Variants in SETMAR observed in about 807,000 individuals in gnomAD.
The protein encoded by SETMAR is SET and mariner transposase domain methyltransferase.
In SETMAR, 44 loss-of-function variants were observed where a neutral mutation model predicts 58.4. The observed-to-expected ratio is 0.75, with a 90% CI of 0.59 to 0.97. The LOEUF is 0.97. Among genes scored for constraint, SETMAR ranks in the 50% least tolerant of loss-of-function variants. SETMAR has a pLI of 0.00. For synonymous variants in SETMAR, 332 were observed against 307.4 expected, an observed-to-expected ratio of 1.08 and a Z score of -0.84; for missense variants, 903 against 840.2, an observed-to-expected ratio of 1.07 and a Z score of -0.92.
At position 4,313,144 on chromosome 3, in the gene SETMAR, A is replaced by G; in HGVS notation, c.403A>G (p.Lys135Glu). The G allele has an allele frequency of 6.2e-7, 1 of 1,614,054 alleles. No individual in the cohort carries two copies. Among genetic ancestry groups the G allele is most frequent in the Non-Finnish European group, 8.5e-7 (1 of 1,179,976 alleles). ...CCACTGCAGAAACAGAGTGGTCCAG[A>G]AAGGTCTACAGTTCCACTTCCAAGT... Reference protein sequence around the residue: ...SDHCRNRVVQKGLQFHFQVFK... With the variant: ...SDHCRNRVVQEGLQFHFQVFK... The change falls in exon 2 of 3, where the codon AAA becomes GAA. Residue 135 changes from lysine to glutamate, a missense_variant. Coordinates refer to ENST00000358065, the MANE Select transcript of SETMAR (RefSeq NM_006515.4).
Position 4,303,674 on chromosome 3 carries a change from G to T in SETMAR, c.156+148G>T, listed in dbSNP as rs1377048181. On this transcript the variant is annotated intron_variant, in intron 1 of 2. Coordinates refer to ENST00000358065, the MANE Select transcript of SETMAR (RefSeq NM_006515.4). ...TTGGTGCGCGGGAATAGGTGTGCAT[G>T]CCCCGGCCTGGGCCTTTTTCTGTTG... 6.7e-6 allele frequency: 10 copies of T among 1,489,266 alleles called. No individual in the cohort carries two copies. In the African/African-American group the frequency reaches 8.5e-5, roughly 13 times the overall value. The allele number at this position is 1,489,266 out of a possible 1,614,324, so 92.3% of individuals were successfully genotyped here.
chr3:4,316,172 T>C (rs188121661), intron 2 of SETMAR, 40 bp from the exon 3 acceptor site: 2 of 637,488 alleles, frequency 3.1e-6, no homozygotes, highest in African/African-American at 3.6e-5. Context: ...TTATGTTTTT[T>C]TGCTAATGAC....
chr3:4,303,824 A>C (rs1698060529), intron 1 of SETMAR: 2 of 1,366,692 alleles, frequency 1.5e-6, no homozygotes, highest in Non-Finnish European at 1.9e-6. Context: ...AGGAGGCATC[A>C]CGGGGGGAGT....
chr3:4,315,041 G>A (rs181689345), intron 2 of SETMAR, among the ~76,000 whole-genome samples: 178 of 152,188 alleles, frequency 1.2e-3, no homozygotes, highest in South Asian at 2.3e-3. Context: ...GTATCTTAGG[G>A]TTTATAATGT....
Position 4,316,344 on chromosome 3 carries a change from A to AC in SETMAR, c.1154dup (p.Val386SerfsTer13). The AC allele has an allele frequency of 6.9e-7, 1 of 1,454,368 alleles. No individual in the cohort carries two copies. Among genetic ancestry groups the AC allele is most frequent in the Non-Finnish European group, 9.4e-7 (1 of 1,065,914 alleles). 90.1% of individuals were successfully genotyped at this position (1,454,368 alleles called of 1,614,324 possible). The stretch of plus-strand genomic sequence containing the variant: ...TGGCCCAGGAACTGCTAACGAACGT[A>AC]CAGTGCAGTGGTGGTTCAAGAAGTT... On this transcript the variant is annotated frameshift_variant, in exon 3 of 3. Transcript: ENST00000358065. LOFTEE classifies it high-confidence loss of function.
chr3:4,306,246 C>T (rs899115306), intron 1 of SETMAR, among the ~76,000 whole-genome samples: 23 of 152,028 alleles, frequency 1.5e-4, no homozygotes, highest in Admixed American at 1.4e-3. Context: ...ATGTGCCCGA[C>T]GTATTTTTTT....
In SETMAR at chr3:4,303,413, G is replaced by A. The variant is rs756322943; in HGVS notation, c.43G>A (p.Ala15Thr). The A allele has an allele frequency of 8.3e-6, 13 of 1,557,378 alleles. No homozygotes were observed. The Admixed American group carries it at 9.8e-5, about 12-fold the overall frequency. ...AAAGACGACACGGCCTTGTGGGATG[G>A]CGGAGTTTAAGGAGAAGCCTGAGGC... ...AAKTTRPCGM[A>T]EFKEKPEAPT... Residue 15 changes from alanine to threonine, a missense_variant, in exon 1 of 3, where the codon GCG becomes ACG. Coordinates refer to ENST00000358065, the MANE Select transcript of SETMAR (RefSeq NM_006515.4).
Position 4,303,534 on chromosome 3 carries a change from C to T in SETMAR, c.156+8C>T. 2.2e-6 allele frequency: 3 copies of T among 1,370,692 alleles called. No homozygotes were observed. The highest frequency in any genetic ancestry group is 3.1e-5 in the East Asian group (1 of 32,214). 84.9% of individuals were successfully genotyped at this position (1,370,692 alleles called of 1,614,324 possible). On this transcript the variant is annotated splice_region_variant and intron_variant, in intron 1 of 2. Transcript: ENST00000358065. Reference sequence around the variant, plus strand: ...GCGCCGGCGCCCTTCCAGGTAGGGGCGGGGCCAGGCGGCGCGGGAGGCGGG... The same window carrying T: ...GCGCCGGCGCCCTTCCAGGTAGGGGTGGGGCCAGGCGGCGCGGGAGGCGGG...
intron 1 of SETMAR, among the ~76,000 whole-genome samples, chr3:4,304,798 C>T (rs1448964869): frequency 6.6e-6 from 1 of 151,966 alleles, no homozygotes; most frequent in East Asian, 1.9e-4. Flanking sequence ...TATTCTGAGC[C>T]AAATATGAGT....
rs762422975 is a variant in SETMAR, at chr3:4,313,125, C to G, written c.384C>G (p.Cys128Trp). The change falls in exon 2 of 3, where the codon TGC becomes TGG. Residue 128 changes from cysteine (C) to tryptophan (W), a missense_variant. Physicochemically the swap from Cys to Trp is radical, Grantham distance 215. Coordinates refer to ENST00000358065, the MANE Select transcript of SETMAR (RefSeq NM_006515.4). The part of the protein sequence containing the change: ...CNVLCRCSDH[C>W]RNRVVQKGLQ... ...TCCTGTGCCGATGCAGTGACCACTG[C>G]AGAAACAGAGTGGTCCAGAAAGGTC... The G allele has an allele frequency of 1.2e-6, 2 of 1,613,856 alleles. No homozygotes were observed. The highest frequency in any genetic ancestry group is 1.3e-5 in the African/African-American group (1 of 74,914).
chr3:4,304,707 A>C (rs1189311488), intron 1 of SETMAR, among the ~76,000 whole-genome samples: 1 of 152,164 alleles, frequency 6.6e-6, no homozygotes, highest in African/African-American at 2.4e-5. Flanking sequence ...TTTTGTGAGG[A>C]TCAGATAAGA....
intron 1 of SETMAR, among the ~76,000 whole-genome samples, chr3:4,307,064 C>T (rs1487719746): frequency 1.3e-5 from 2 of 152,156 alleles, no homozygotes; most frequent in Admixed American, 6.5e-5. Flanking sequence ...GAAAAACAAA[C>T]TTATGAGGCT....
chr3:4,313,064 G>A lies in SETMAR; in HGVS notation c.323G>A (p.Gly108Glu), dbSNP rs1271287238. The change falls in exon 2 of 3, where the codon GGA (glycine) becomes GAA (glutamate). Residue 108 changes from glycine (G) to glutamate (E), a missense_variant. Coordinates refer to ENST00000358065, the MANE Select transcript of SETMAR (RefSeq NM_006515.4). Reference protein sequence around the residue: ...DNSCLRDIGSGGKYAEPVFEC... With the variant: ...DNSCLRDIGSEGKYAEPVFEC... ...TCATGCCTTAGAGATATAGGATCTGGAGGAAAGTATGCAGAGCCTGTTTTT... is the reference window on the plus strand; with the variant it reads ...TCATGCCTTAGAGATATAGGATCTGAAGGAAAGTATGCAGAGCCTGTTTTT... 2 of 1,613,862 alleles carry A rather than the reference G, an allele frequency of 1.2e-6. No individual in the cohort carries two copies. The highest frequency in any genetic ancestry group is 2.2e-5 in the East Asian group (1 of 44,884).
rs552380964 is a variant in SETMAR, at chr3:4,308,046, C to A, written c.156+4520C>A. ...CGTCTTAAAAAAAAAAAATCCCATT[C>A]TCCGTGTCCTTTATACTTTTCTGAC... On this transcript the variant is annotated intron_variant, in intron 1 of 2. Transcript: ENST00000358065. Among the ~76,000 whole-genome samples, 5 of 152,192 alleles carry A rather than the reference C, an allele frequency of 3.3e-5. No homozygotes were observed. The East Asian group carries it at 9.7e-4, about 29-fold the overall frequency.
At chr3:4,305,492 A>G (rs189470036) in intron 1 of SETMAR, among the ~76,000 whole-genome samples, 178 of 152,312 alleles carry the variant, frequency 1.2e-3, no homozygotes, top group South Asian at 2.5e-3. Context: ...CCTCGGTCTT[A>G]GTTGATTATC....
chr3:4,313,588 C>G lies in SETMAR; in HGVS notation c.847C>G (p.Leu283Val), dbSNP rs1698513097. The G allele has an allele frequency of 6.2e-7, 1 of 1,613,962 alleles. No homozygotes were observed. Among genetic ancestry groups the G allele is most frequent in the East Asian group, 2.2e-5 (1 of 44,898 alleles). ...CAAAGAAAGGCTAGATCATGGGAAA[C>G]TAAGGAAACCTTGTTACTGTGGTGC... is the stretch of plus-strand genomic sequence containing the variant. Reference protein sequence around the residue: ...EDKERLDHGKLRKPCYCGAKS... With the variant: ...EDKERLDHGKVRKPCYCGAKS... The change falls in exon 2 of 3, where the codon CTA becomes GTA. Residue 283 changes from leucine (L) to valine (V), a missense_variant. Transcript: ENST00000358065.
chr3:4,303,800 G>C lies in SETMAR; in HGVS notation c.156+274G>C, dbSNP rs74371893. 6.5e-3 allele frequency: 9,089 copies of C among 1,408,504 alleles called. 524 individuals carry two copies. In the African/African-American group the frequency reaches 0.12, roughly 18 times the overall value. 87.3% of individuals were successfully genotyped at this position (1,408,504 alleles called of 1,614,324 possible). On this transcript the variant is annotated intron_variant, in intron 1 of 2. Coordinates refer to ENST00000358065, the MANE Select transcript of SETMAR (RefSeq NM_006515.4). ...AGAACCTGGCTTTTTGTCCAGTCCT[G>C]TCCTCAGAACTCAAGGAGGCATCAC... is the stretch of plus-strand genomic sequence containing the variant.
chr3:4,308,036 A>T (rs563364366), intron 1 of SETMAR, among the ~76,000 whole-genome samples: 1 of 152,286 alleles, frequency 6.6e-6, no homozygotes, highest in South Asian at 2.1e-4. Flanking sequence ...TAAAAAAAAA[A>T]AATCCCATTC....
chr3:4,316,589 AAATC>A lies in SETMAR; in HGVS notation c.1401_1404del (p.Asn467LysfsTer26), dbSNP rs1254496863. The A allele has an allele frequency of 6.4e-7, 1 of 1,551,442 alleles. No homozygotes were observed. The highest frequency in any genetic ancestry group is 1.2e-5 in the South Asian group (1 of 84,058). On this transcript the variant is annotated frameshift_variant, in exon 3 of 3. Transcript: ENST00000358065. LOFTEE classifies it high-confidence loss of function. ...AGTGGGTGCCTCATGAGCTGACTGA[AAATC>A]AAAAAAATCGTCGTTTTGAAGTGTC...
Sources: allele counts gnomAD v4.1 joint callset (sites outside exome capture counted in the v4.1 genomes callset), GRCh38; gene constraint gnomAD v4.1.1; transcripts MANE v1.5; gene names NCBI Gene and HGNC (gene_info 2026-07-23, HGNC 2026-07-21).